Variants in IQCM observed in about 807,000 individuals in gnomAD.
The protein encoded by IQCM is IQ motif containing M.
In IQCM, 45 loss-of-function variants were observed where a neutral mutation model predicts 57.6. That is an observed-to-expected ratio of 0.78 (90% CI 0.62 to 1.00). The LOEUF (loss-of-function observed/expected upper bound fraction) is 1.00. Among genes scored for constraint, IQCM ranks in the 50% least tolerant of loss-of-function variants. The pLI is 0.00. For missense variants in IQCM, 468 were observed against 511.6 expected, an observed-to-expected ratio of 0.91 and a Z score of 0.82; for synonymous variants, 148 against 158.9, an observed-to-expected ratio of 0.93 and a Z score of 0.51.
intron 9 of IQCM, among the ~76,000 whole-genome samples, chr4:149,570,178 C>A (rs1031532761): frequency 6.6e-6 from 1 of 151,890 alleles, no homozygotes; most frequent in East Asian, 1.9e-4. Flanking sequence ...ATATAAAATG[C>A]CTTTACTGAG....
At chr4:149,476,682 T>G (rs1740233798) in intron 12 of IQCM, among the ~76,000 whole-genome samples, 1 of 152,184 alleles carries the variant, frequency 6.6e-6, no homozygotes, top group Non-Finnish European at 1.5e-5. Context: ...GGATCCCATA[T>G]ATCTATCAGA....
chr4:149,452,974 A>G (rs1308685322), intron 12 of IQCM, among the ~76,000 whole-genome samples: 1 of 151,442 alleles, frequency 6.6e-6, no homozygotes, highest in Admixed American at 6.6e-5. Flanking sequence ...ATACCCACGT[A>G]ACAAACTTGA....
At chr4:149,619,716 G>A (rs1036862077) in intron 8 of IQCM, among the ~76,000 whole-genome samples, 1 of 152,104 alleles carries the variant, frequency 6.6e-6, no homozygotes, top group South Asian at 2.1e-4. Context: ...ACTAAATTGT[G>A]TCCCTTTGAA....
chr4:149,765,278 T>C (rs924390000), intron 2 of IQCM, among the ~76,000 whole-genome samples: 1 of 152,098 alleles, frequency 6.6e-6, no homozygotes, highest in Non-Finnish European at 1.5e-5. Context: ...GGTGGCATTA[T>C]TATGAAGTAT....
intron 8 of IQCM, among the ~76,000 whole-genome samples, chr4:149,615,320 C>T (rs1484283031): frequency 6.6e-6 from 1 of 152,158 alleles, no homozygotes; most frequent in Non-Finnish European, 1.5e-5. Context: ...CAAGGAATTA[C>T]ATTCCAGGTC....
At chr4:149,520,231 T>A (rs1265225039) in intron 12 of IQCM, among the ~76,000 whole-genome samples, 3 of 151,484 alleles carry the variant, frequency 2.0e-5, no homozygotes, top group African/African-American at 4.9e-5. Flanking sequence ...TTTTTTTTTT[T>A]TTTTTTTTGC....
rs959993054 is a variant in IQCM at position 149,733,516 on chromosome 4, T to A, written c.121-8A>T. On this transcript the variant is annotated splice_polypyrimidine_tract_variant and splice_region_variant and intron_variant, in intron 4 of 13. Coordinates refer to ENST00000636793, the MANE Select transcript of IQCM (RefSeq NM_001363507.2). Reference sequence around the variant, plus strand: ...AGTACCTTGAACTTTATTCTATGAATAAAACAAAAATAGATTTTGGCAAAA... The same window carrying A: ...AGTACCTTGAACTTTATTCTATGAAAAAAACAAAAATAGATTTTGGCAAAA... The A allele has an allele frequency of 8.2e-7, 1 of 1,212,432 alleles. No homozygotes were observed. Among genetic ancestry groups the A allele is most frequent in the African/African-American group, 1.6e-5 (1 of 64,110 alleles). The allele number at this position is 1,212,432 out of a possible 1,614,324, so 75.1% of individuals were successfully genotyped here.
Position 149,772,949 on chromosome 4 carries a change from A to G in IQCM, c.-48-30210T>C, listed in dbSNP as rs542222796. Among the ~76,000 whole-genome samples, 7 of 152,362 alleles carry G rather than the reference A, an allele frequency of 4.6e-5. No homozygotes were observed. In the South Asian group the frequency reaches 1.5e-3, roughly 32 times the overall value. ...AAACACTTGAAAGCCTGTTGTATAA[A>G]GAACTCTTAAAGATCCTGGGAATGC... On this transcript the variant is annotated intron_variant, in intron 2 of 13. Transcript: ENST00000636793.
intron 7 of IQCM, among the ~76,000 whole-genome samples, chr4:149,648,794 T>A (rs1370464194): frequency 2.0e-5 from 3 of 151,918 alleles, no homozygotes; most frequent in South Asian, 4.2e-4. Flanking sequence ...ATATACCTAA[T>A]GTAAATGACG....
At chr4:149,514,812 G>A (rs1209855766) in intron 12 of IQCM, 3 of 152,232 alleles carry the variant, frequency 2.0e-5, no homozygotes, top group African/African-American at 7.2e-5. Context: ...CTTAATCTGG[G>A]TGGGCACCAT....
rs186885506 is a variant in IQCM, at chr4:149,784,344, C to T, written c.-49+30967G>A. On this transcript the variant is annotated intron_variant, in intron 2 of 13. Coordinates refer to ENST00000636793, the MANE Select transcript of IQCM (RefSeq NM_001363507.2). ...ACATTCTGCCTGAATATGCTGTTCCCCCAGATATCCTCCTTAGCTCACAAC... is the reference window on the plus strand; with the variant it reads ...ACATTCTGCCTGAATATGCTGTTCCTCCAGATATCCTCCTTAGCTCACAAC... Among the ~76,000 whole-genome samples, 112 of 152,296 alleles carry T rather than the reference C, an allele frequency of 7.4e-4. No homozygotes were observed. The Middle Eastern group carries it at 0.024, about 32-fold the overall frequency.
chr4:149,687,990 A>G (rs544053867), intron 5 of IQCM, among the ~76,000 whole-genome samples: 5 of 152,186 alleles, frequency 3.3e-5, no homozygotes, highest in African/African-American at 1.2e-4. Flanking sequence ...CACAGCCGAC[A>G]TAATACTGAA....
At chr4:149,477,658 T>C (rs988471273) in intron 12 of IQCM, among the ~76,000 whole-genome samples, 2 of 152,142 alleles carry the variant, frequency 1.3e-5, no homozygotes, top group African/African-American at 4.8e-5. Flanking sequence ...GAAATTATGC[T>C]TTCAGAATGG....
At chr4:149,362,966 C>T (rs572664338) in intron 13 of IQCM, among the ~76,000 whole-genome samples, 54 of 152,306 alleles carry the variant, frequency 3.5e-4, no homozygotes, top group Admixed American at 1.5e-3. Flanking sequence ...TCTGGAATGC[C>T]TCTTGCTATT....
chr4:149,773,016 C>T (rs1770732916), intron 2 of IQCM, among the ~76,000 whole-genome samples: 1 of 152,160 alleles, frequency 6.6e-6, no homozygotes, highest in African/African-American at 2.4e-5. Context: ...GATTTTGCAT[C>T]ATCTAGTGAA....
At chr4:149,654,352 C>T (rs1169432898) in intron 7 of IQCM, among the ~76,000 whole-genome samples, 1 of 152,098 alleles carries the variant, frequency 6.6e-6, no homozygotes, top group Non-Finnish European at 1.5e-5. Flanking sequence ...TCCCTCATGA[C>T]TCAGTGCTCT....
intron 7 of IQCM, among the ~76,000 whole-genome samples, chr4:149,671,213 G>C (rs1227189440): frequency 6.6e-6 from 1 of 152,098 alleles, no homozygotes; most frequent in Non-Finnish European, 1.5e-5. Flanking sequence ...AGTCTTGGGA[G>C]GGTGTGTGTG....
At chr4:149,657,278 T>G (rs1436488361) in intron 7 of IQCM, among the ~76,000 whole-genome samples, 1 of 152,214 alleles carries the variant, frequency 6.6e-6, no homozygotes, top group African/African-American at 2.4e-5. Context: ...TTTGTCTTTT[T>G]GGGTCTGGCT....
At chr4:149,691,679 A>G (rs908093362) in intron 5 of IQCM, 3 of 152,164 alleles carry the variant, frequency 2.0e-5, no homozygotes, top group Admixed American at 6.5e-5. Flanking sequence ...TCAAGGCAGG[A>G]GGTTTTCAAG....
Sources: allele counts gnomAD v4.1 joint callset (sites outside exome capture counted in the v4.1 genomes callset), GRCh38; gene constraint gnomAD v4.1.1; transcripts MANE v1.5; gene names NCBI Gene and HGNC (gene_info 2026-07-23, HGNC 2026-07-21).